The following PRKAR2B variants were observed in gnomAD, a reference collection of about 807,000 sequenced individuals.
The protein encoded by PRKAR2B is cAMP-dependent protein kinase type II-beta regulatory subunit.
PRKAR2B carries 14 observed loss-of-function variants against 49.9 expected under a neutral mutation model. The ratio of observed to expected loss-of-function variants is 0.28; its 90% CI spans 0.19 to 0.44. The LOEUF (loss-of-function observed/expected upper bound fraction) is 0.44, where lower values mean the gene tolerates loss of function less well. Among genes scored for constraint, PRKAR2B ranks in the 20% least tolerant of loss-of-function variants. The pLI, the probability that PRKAR2B is intolerant of heterozygous loss-of-function variation, is 1.00. For synonymous variants in PRKAR2B, 196 were observed against 197.7 expected, an observed-to-expected ratio of 0.99 and a Z score of 0.07; for missense variants, 393 against 537.9, an observed-to-expected ratio of 0.73 and a Z score of 2.67.
At chr7:107,107,386 A>G (rs1235213143) in intron 2 of PRKAR2B, among the ~76,000 whole-genome samples, 1 of 151,946 alleles carries the variant, frequency 6.6e-6, no homozygotes, top group African/African-American at 2.4e-5. Context: ...CCCAATTTGT[A>G]TTGGACCCAA....
At chr7:107,151,165 A>G in intron 7 of PRKAR2B, 142 bp downstream of exon 7, 1 of 514,226 alleles carries the variant, frequency 1.9e-6, no homozygotes. Context: ...TGGTAGTGCT[A>G]ATTTTTATAA....
At chr7:107,121,477 A>G (rs1311974842) in intron 2 of PRKAR2B, among the ~76,000 whole-genome samples, 2 of 152,196 alleles carry the variant, frequency 1.3e-5, no homozygotes, top group Admixed American at 1.3e-4. Flanking sequence ...TCAACCCAGA[A>G]AAAAGACTGG....
At chr7:107,127,686 G>A (rs1484056128) in intron 3 of PRKAR2B, among the ~76,000 whole-genome samples, 1 of 152,220 alleles carries the variant, frequency 6.6e-6, no homozygotes, top group Non-Finnish European at 1.5e-5. Context: ...CATACCACAT[G>A]TGTAAAAATA....
intron 2 of PRKAR2B, among the ~76,000 whole-genome samples, chr7:107,121,074 G>A (rs1795378127): frequency 1.3e-5 from 2 of 150,688 alleles, no homozygotes; most frequent in South Asian, 4.2e-4. Context: ...AAGATTTTAA[G>A]CAATAGCATC....
At chr7:107,106,196 C>T (rs1795069183) in intron 2 of PRKAR2B, among the ~76,000 whole-genome samples, 1 of 152,194 alleles carries the variant, frequency 6.6e-6, no homozygotes, top group South Asian at 2.1e-4. Flanking sequence ...AATTTACTAG[C>T]CTAACCACAC....
intron 3 of PRKAR2B, among the ~76,000 whole-genome samples, chr7:107,127,838 A>G (rs916853395): frequency 2.0e-5 from 3 of 152,246 alleles, no homozygotes; most frequent in Non-Finnish European, 2.9e-5. Flanking sequence ...TTTTCAGTGT[A>G]GCTGCTGGCA....
intron 1 of PRKAR2B, among the ~76,000 whole-genome samples, chr7:107,058,843 A>C (rs1793967581): frequency 1.3e-5 from 2 of 152,240 alleles, no homozygotes; most frequent in African/African-American, 4.8e-5. Context: ...TTATCTGCCA[A>C]AACTGAGTAG....
At chr7:107,098,320 A>G (rs982446342) in intron 2 of PRKAR2B, among the ~76,000 whole-genome samples, 1 of 152,170 alleles carries the variant, frequency 6.6e-6, no homozygotes, top group African/African-American at 2.4e-5. Flanking sequence ...AATCTTGTGC[A>G]TGCATCACGT....
chr7:107,147,456 G>C (rs993600238), intron 6 of PRKAR2B, among the ~76,000 whole-genome samples: 2 of 152,188 alleles, frequency 1.3e-5, no homozygotes, highest in Non-Finnish European at 2.9e-5. Context: ...ATACATTCGG[G>C]CAATATTTTC....
At chr7:107,106,823 T>C (rs1005038101) in intron 2 of PRKAR2B, among the ~76,000 whole-genome samples, 6 of 151,074 alleles carry the variant, frequency 4.0e-5, no homozygotes, top group Middle Eastern at 3.4e-3. Context: ...GGGGAGAGAG[T>C]GTGGCCCTTC....
intron 6 of PRKAR2B, among the ~76,000 whole-genome samples, chr7:107,146,716 G>C (rs1795900703): frequency 6.6e-6 from 1 of 152,182 alleles, no homozygotes; most frequent in Non-Finnish European, 1.5e-5. Flanking sequence ...GATTCAGAAT[G>C]CTCCTGTCTT....
At chr7:107,046,831 C>CATATATATAT (rs113417055) in intron 1 of PRKAR2B, among the ~76,000 whole-genome samples, 57 of 149,252 alleles carry the variant, frequency 3.8e-4, no homozygotes, top group African/African-American at 1.3e-3. Context: ...TGGTAAAGAC[C>CATATATATAT]ATATATATAT....
intron 3 of PRKAR2B, among the ~76,000 whole-genome samples, chr7:107,127,185 A>AGCTCTGAT (rs747327906): frequency 1.3e-5 from 2 of 152,256 alleles, no homozygotes; most frequent in South Asian, 2.1e-4. Flanking sequence ...TGATTCTGTG[A>AGCTCTGAT]GCTCTGATGC....
rs1184983833 is a variant in PRKAR2B, at chr7:107,045,236, TC to T, written c.307+23del. ...AATGGTGAGGACCAGACCCCCCACT[TC>T]GCGCCCCCGGATCCCCTCGCTGCCC... On this transcript the variant is annotated intron_variant, in intron 1 of 10. Transcript: ENST00000265717. 5 of 1,400,630 alleles carry T rather than the reference TC, an allele frequency of 3.6e-6. No homozygotes were observed. The Admixed American group carries it at 1.5e-4, about 43-fold the overall frequency. The allele number at this position is 1,400,630 out of a possible 1,614,324, so 86.8% of individuals were successfully genotyped here.
chr7:107,051,896 G>T (rs74828885), intron 1 of PRKAR2B, among the ~76,000 whole-genome samples: 1 of 152,054 alleles, frequency 6.6e-6, no homozygotes, highest in African/African-American at 2.4e-5. Context: ...TTTGACTAAG[G>T]ATGACATTGT....
At chr7:107,147,951 A>G (rs962244622) in intron 6 of PRKAR2B, among the ~76,000 whole-genome samples, 1 of 152,236 alleles carries the variant, frequency 6.6e-6, no homozygotes, top group Non-Finnish European at 1.5e-5. Context: ...GATAAAAAAT[A>G]TCTCTTGATC....
chr7:107,153,268 TG>T lies in PRKAR2B; in HGVS notation c.918+18del. The T allele has an allele frequency of 6.3e-7, 1 of 1,577,052 alleles. No individual in the cohort carries two copies. Among genetic ancestry groups the T allele is most frequent in the Non-Finnish European group, 8.6e-7 (1 of 1,156,762 alleles). The stretch of plus-strand genomic sequence containing the variant: ...ATTGCTCAGGTATGATATTTTGAAA[TG>T]TAATTCAGTTTAGGGTTATATTCCA... On this transcript the variant is annotated intron_variant, in intron 8 of 10. Transcript: ENST00000265717.
intron 3 of PRKAR2B, among the ~76,000 whole-genome samples, chr7:107,125,338 A>T (rs949858212): frequency 5.3e-5 from 8 of 152,208 alleles, no homozygotes; most frequent in Non-Finnish European, 1.0e-4. Context: ...GGATAAAATG[A>T]GTTAATATTA....
intron 2 of PRKAR2B, among the ~76,000 whole-genome samples, chr7:107,103,538 A>T (rs998300894): frequency 9.9e-5 from 15 of 152,242 alleles, no homozygotes; most frequent in African/African-American, 3.6e-4. Flanking sequence ...AAGCTCAGAT[A>T]GCCTGAGGCT....
Sources: gnomAD v4.1 joint callset for allele counts (sites outside exome capture counted in the v4.1 genomes callset) on GRCh38, gnomAD v4.1.1 for gene constraint, MANE v1.5 for transcripts, NCBI Gene and HGNC (gene_info 2026-07-23, HGNC 2026-07-21) for gene names.